DMD: variants seen among roughly 807,000 people sequenced by gnomAD.
The protein encoded by DMD is mutant dystrophin.
Under a neutral mutation model 330.1 loss-of-function variants are expected in DMD, and 63 were observed. That is an observed-to-expected ratio of 0.19 (90% CI 0.16 to 0.24). The LOEUF is 0.24. Ranked by LOEUF, DMD falls within the 10% of genes least tolerant of loss-of-function variation. The pLI is 1.00. For synonymous variants in DMD, 1,223 were observed against 959.8 expected (o/e 1.27, Z -5.07); for missense variants, 3,344 against 2,684.1 (o/e 1.25, Z -5.43).
rs750977717 is a variant in DMD, at chrX:32,191,235, C to T, written c.6438+25681G>A. Among the ~76,000 whole-genome samples, 7 of 111,774 alleles carry T rather than the reference C, an allele frequency of 6.3e-5. No homozygotes were observed. The East Asian group carries it at 2.0e-3, about 31-fold the overall frequency. ...CTGTGTACCTCTTGGAATTATTCAG[C>T]ACAAGTTTAAATTTTTGTGTCCGTA... On this transcript the variant is annotated intron_variant, in intron 44 of 78. Coordinates refer to ENST00000357033, the MANE Select transcript of DMD (RefSeq NM_004006.3).
intron 4 of DMD, among the ~76,000 whole-genome samples, chrX:32,843,298 C>A (rs193029857): frequency 1.2e-4 from 14 of 112,249 alleles, no homozygotes; most frequent in African/African-American, 4.5e-4. Context: ...AAGACATTTT[C>A]TTTGTGTAAC....
At chrX:32,484,238 T>C (rs1603634583) in intron 21 of DMD, among the ~76,000 whole-genome samples, 3 of 112,034 alleles carry the variant, frequency 2.7e-5, no homozygotes, top group Admixed American at 9.5e-5. Context: ...AAAAGAATTT[T>C]TGTCTTAAAA....
intron 44 of DMD, among the ~76,000 whole-genome samples, chrX:32,211,691 G>T (rs1236311900): frequency 9.0e-6 from 1 of 111,724 alleles, no homozygotes; most frequent in Non-Finnish European, 1.9e-5. Flanking sequence ...ATGTCTTAAG[G>T]TCGATTTCAA....
rs756058622 is a variant in DMD at position 32,348,296 on chromosome X, T to C, written c.5448+110A>G. The C allele has an allele frequency of 1.1e-4, 88 of 786,924 alleles. No individual in the cohort carries two copies. The African/African-American group carries it at 1.6e-3, about 14-fold the overall frequency. The allele number at this position is 786,924 out of a possible 1,213,427, so 64.9% of individuals were successfully genotyped here. ...GCATTTATAAAATTCATTAGAATCATAAAATGTGTAATATGTGCTCTGAAA... is the reference window on the plus strand; with the variant it reads ...GCATTTATAAAATTCATTAGAATCACAAAATGTGTAATATGTGCTCTGAAA... On this transcript the variant is annotated intron_variant, in intron 38 of 78. Coordinates refer to ENST00000357033, the MANE Select transcript of DMD (RefSeq NM_004006.3).
chrX:32,796,380 T>C (rs2076179777), intron 7 of DMD, among the ~76,000 whole-genome samples: 1 of 111,625 alleles, frequency 9.0e-6, no homozygotes, highest in Admixed American at 9.6e-5. Flanking sequence ...AGATTTTACA[T>C]TTTCTTACTC....
intron 2 of DMD, among the ~76,000 whole-genome samples, chrX:32,863,000 G>A (rs1026691617): frequency 9.0e-6 from 1 of 110,517 alleles, no homozygotes; most frequent in Non-Finnish European, 1.9e-5. Flanking sequence ...GCCTCCCAAA[G>A]TGCTGAGATT....
chrX:32,540,817 G>C (rs761737200), intron 17 of DMD, among the ~76,000 whole-genome samples: 4 of 111,900 alleles, frequency 3.6e-5, no homozygotes, highest in Non-Finnish European at 7.5e-5. Context: ...TATTGGGAAG[G>C]TAGACATAAA....
At chrX:31,535,546 C>G (rs187316443) in intron 55 of DMD, among the ~76,000 whole-genome samples, 6,799 of 100,629 alleles carry the variant, frequency 0.068, 233 homozygotes, top group African/African-American at 0.12. Context: ...TAGAAGAAAA[C>G]CTAGGCATTA....
At chrX:32,863,567 C>T (rs757557516) in intron 2 of DMD, among the ~76,000 whole-genome samples, 6 of 89,975 alleles carry the variant, frequency 6.7e-5, no homozygotes, top group African/African-American at 1.2e-4. Context: ...CACACACACA[C>T]ACACACAAAT....
At chrX:32,398,398 T>C (rs772540728) in intron 30 of DMD, among the ~76,000 whole-genome samples, 7 of 110,250 alleles carry the variant, frequency 6.3e-5, no homozygotes, top group African/African-American at 2.3e-4. Context: ...CTCCCCTACA[T>C]TGTTCCTTGA....
chrX:32,615,969 C>A (rs1249468593), intron 11 of DMD, among the ~76,000 whole-genome samples: 1 of 111,132 alleles, frequency 9.0e-6, no homozygotes, highest in Admixed American at 9.6e-5. Context: ...TTTCCTTAAT[C>A]TGCTTTTGGC....
intron 42 of DMD, among the ~76,000 whole-genome samples, chrX:32,290,802 T>C (rs1305488474): frequency 9.0e-6 from 1 of 111,541 alleles, no homozygotes; most frequent in African/African-American, 3.3e-5. Context: ...AGGATATGGT[T>C]TGAAGAATTG....
At chrX:33,179,116 T>C (rs1266806073) in intron 1 of DMD, among the ~76,000 whole-genome samples, 1 of 111,914 alleles carries the variant, frequency 8.9e-6, no homozygotes, top group Non-Finnish European at 1.9e-5. Context: ...TTCAGAGATC[T>C]CTCAGAAAAA....
intron 2 of DMD, among the ~76,000 whole-genome samples, chrX:32,912,434 A>G (rs915598358): frequency 9.1e-6 from 1 of 109,745 alleles, no homozygotes; most frequent in Non-Finnish European, 1.9e-5. Flanking sequence ...GGGCACATAC[A>G]TGGGCCCTGT....
chrX:32,411,707 G>A, intron 30 of DMD, 45 bp downstream of exon 30: 1 of 1,188,341 alleles, frequency 8.4e-7, no homozygotes, highest in South Asian at 1.8e-5. Flanking sequence ...TTTTGTTGAA[G>A]TAATAAAAAC....
chrX:31,837,339 A>C lies in DMD; in HGVS notation c.7099-520T>G, dbSNP rs1002924083. On this transcript the variant is annotated intron_variant, in intron 48 of 78. Coordinates refer to ENST00000357033, the MANE Select transcript of DMD (RefSeq NM_004006.3). ...ACAGTATCAAAGCTTATTATTTATT[A>C]ATGAGTCAAACAGGCCTTCTGAAGA... Among the ~76,000 whole-genome samples the C allele has an allele frequency of 6.3e-5, 7 of 111,957 alleles. 1 individual carries two copies.
chrX:31,889,647 TCA>T (rs773894352), intron 47 of DMD, among the ~76,000 whole-genome samples: 23,139 of 70,316 alleles, frequency 0.33, 2,623 homozygotes, highest in East Asian at 0.56. Flanking sequence ...TCTCTCTCTC[TCA>T]CACACACACA....
chrX:31,607,747 T>C (rs887777410), intron 55 of DMD, among the ~76,000 whole-genome samples: 6 of 112,263 alleles, frequency 5.3e-5, no homozygotes, highest in Non-Finnish European at 1.1e-4. Context: ...TCTGAACATA[T>C]AAAAAGATTG....
chrX:32,379,267 C>T (rs1245693751), intron 34 of DMD, among the ~76,000 whole-genome samples: 1 of 107,680 alleles, frequency 9.3e-6, no homozygotes, highest in Admixed American at 1.0e-4. Context: ...ATGAAAAATA[C>T]TTTCCAGGCA....
Sources: allele counts gnomAD v4.1 joint callset (sites outside exome capture counted in the v4.1 genomes callset), GRCh38; gene constraint gnomAD v4.1.1; transcripts MANE v1.5; gene names NCBI Gene and HGNC (gene_info 2026-07-23, HGNC 2026-07-21).